MAGI2: variants seen among roughly 807,000 people sequenced by gnomAD.
MAGI2 encodes membrane associated guanylate kinase, WW and PDZ domain containing 2.
In MAGI2, 35 loss-of-function variants were observed where a neutral mutation model predicts 133.3. The ratio of observed to expected loss-of-function variants is 0.26; its 90% CI spans 0.20 to 0.35. The LOEUF is 0.35. MAGI2 is among the 10% of genes least tolerant of loss of function. The probability of loss-of-function intolerance (pLI) is 1.00; values close to 1 mark genes in which losing one functional copy is unlikely to be tolerated. For synonymous variants in MAGI2, 729 were observed against 710.6 expected, an observed-to-expected ratio of 1.03 and a Z score of -0.41; for missense variants, 1,636 against 1,863.4, an observed-to-expected ratio of 0.88 and a Z score of 2.25.
chr7:78,784,042 G>C (rs527423005), intron 2 of MAGI2, among the ~76,000 whole-genome samples: 1 of 152,060 alleles, frequency 6.6e-6, no homozygotes, highest in Admixed American at 6.5e-5. Flanking sequence ...TACTAATTGC[G>C]TTGACATAGT....
chr7:79,256,718 T>C (rs534442821), intron 1 of MAGI2, among the ~76,000 whole-genome samples: 44 of 152,046 alleles, frequency 2.9e-4, no homozygotes, highest in Middle Eastern at 3.2e-3. Flanking sequence ...CTCAAACTTC[T>C]GGGCTCAAGC....
chr7:78,920,590 G>C (rs1799146546), intron 2 of MAGI2, among the ~76,000 whole-genome samples: 1 of 152,052 alleles, frequency 6.6e-6, no homozygotes, highest in Non-Finnish European at 1.5e-5. Flanking sequence ...TGAGGAAATA[G>C]TCTCTATGTT....
intron 1 of MAGI2, among the ~76,000 whole-genome samples, chr7:79,142,036 T>G (rs1050041843): frequency 6.6e-6 from 1 of 152,196 alleles, no homozygotes; most frequent in African/African-American, 2.4e-5. Flanking sequence ...TTGGGTACAA[T>G]AGGTACAAAA....
chr7:78,112,763 A>G (rs1819481141), intron 20 of MAGI2, among the ~76,000 whole-genome samples: 1 of 152,354 alleles, frequency 6.6e-6, no homozygotes, highest in East Asian at 1.9e-4. Context: ...CCAGAGCAAC[A>G]TGATTCCTGC....
chr7:79,160,214 T>A (rs1585078282), intron 1 of MAGI2, among the ~76,000 whole-genome samples: 1 of 152,126 alleles, frequency 6.6e-6, no homozygotes, highest in Non-Finnish European at 1.5e-5. Context: ...TTTATAAAAC[T>A]CAAGGATGTT....
intron 1 of MAGI2, among the ~76,000 whole-genome samples, chr7:79,396,814 G>A (rs1355584459): frequency 1.3e-5 from 2 of 152,072 alleles, no homozygotes; most frequent in African/African-American, 4.8e-5. Flanking sequence ...AAACATTTAC[G>A]TGATTCATAT....
At chr7:78,788,293 C>T (rs149726568) in intron 2 of MAGI2, among the ~76,000 whole-genome samples, 4 of 152,300 alleles carry the variant, frequency 2.6e-5, no homozygotes, top group African/African-American at 9.6e-5. Context: ...TGTGAATTGT[C>T]TGTAACTGAT....
At chr7:78,627,407 G>T (rs563056769) in intron 2 of MAGI2, among the ~76,000 whole-genome samples, 168 bp from the exon 3 acceptor site, 1 of 152,160 alleles carries the variant, frequency 6.6e-6, no homozygotes. Context: ...ACAGCAGGGG[G>T]TAAAGATTAA....
At chr7:79,304,181 A>ATATGTGTGTGTGTG (rs1837587220) in intron 1 of MAGI2, among the ~76,000 whole-genome samples, 1 of 142,168 alleles carries the variant, frequency 7.0e-6, no homozygotes, top group African/African-American at 2.6e-5. Flanking sequence ...TTCAACTGGG[A>ATATGTGTGTGTGTG]TGTGTGTGTG....
At chr7:78,629,723 GT>G (rs1808759311) in intron 2 of MAGI2, among the ~76,000 whole-genome samples, 1 of 151,756 alleles carries the variant, frequency 6.6e-6, no homozygotes, top group Admixed American at 6.6e-5. Flanking sequence ...GTGTCTTCTT[GT>G]CTCTCTCTCT....
chr7:79,093,611 T>G (rs1232345740), intron 1 of MAGI2, among the ~76,000 whole-genome samples: 1 of 152,150 alleles, frequency 6.6e-6, no homozygotes, highest in East Asian at 1.9e-4. Flanking sequence ...GAGTCTTGCC[T>G]CAACTTCCAT....
At chr7:78,108,628 C>CTCTCTCTCAT (rs1818935551) in intron 20 of MAGI2, among the ~76,000 whole-genome samples, 1 of 118,904 alleles carries the variant, frequency 8.4e-6, no homozygotes, top group Non-Finnish European at 1.8e-5. Flanking sequence ...CTCATTCTCT[C>CTCTCTCTCAT]TCTCTCTCTC....
intron 2 of MAGI2, among the ~76,000 whole-genome samples, chr7:78,639,441 C>T (rs903275907): frequency 2.0e-5 from 3 of 151,918 alleles, no homozygotes. Context: ...TAATGAGTAC[C>T]CACTAGGAGC....
At chr7:78,219,641 A>G (rs1788614024) in intron 10 of MAGI2, among the ~76,000 whole-genome samples, 1 of 152,210 alleles carries the variant, frequency 6.6e-6, no homozygotes, top group African/African-American at 2.4e-5. Context: ...CTCACATCCA[A>G]TAATGAATGT....
At chr7:78,456,005 C>T (rs1298009219) in intron 6 of MAGI2, among the ~76,000 whole-genome samples, 4 of 151,872 alleles carry the variant, frequency 2.6e-5, no homozygotes, top group Non-Finnish European at 5.9e-5. Flanking sequence ...CTCTCAGGGC[C>T]ATCTTTGTCA....
chr7:79,006,945 A>T (rs1475720878), intron 2 of MAGI2, 145 bp downstream of exon 2: 5 of 566,610 alleles, frequency 8.8e-6, no homozygotes, highest in Non-Finnish European at 1.5e-5. Context: ...ATTTGCACTT[A>T]AAATTGCCAC....
intron 1 of MAGI2, 90 bp downstream of exon 1, chr7:79,452,930 C>G (rs1849389699): frequency 7.2e-7 from 1 of 1,387,232 alleles, no homozygotes. Context: ...GCAACACACC[C>G]CCTTCAACAT....
At chr7:79,015,962 G>A (rs1808666672) in intron 1 of MAGI2, among the ~76,000 whole-genome samples, 1 of 141,154 alleles carries the variant, frequency 7.1e-6, no homozygotes, top group Non-Finnish European at 1.5e-5. Context: ...CCCTGCAAAG[G>A]GAGTTATTTC....
At chr7:78,767,079 T>A (rs946341827) in intron 2 of MAGI2, among the ~76,000 whole-genome samples, 1 of 151,892 alleles carries the variant, frequency 6.6e-6, no homozygotes. Context: ...CACCTCTGCC[T>A]CCCAGGTTCA....
Sources: allele counts gnomAD v4.1 joint callset (sites outside exome capture counted in the v4.1 genomes callset), GRCh38; gene constraint gnomAD v4.1.1; transcripts MANE v1.5; gene names NCBI Gene and HGNC (gene_info 2026-07-23, HGNC 2026-07-21).